Variants in TAFA4 observed in about 807,000 individuals in gnomAD.
TAFA4 encodes chemokine-like protein TAFA-4.
Under a neutral mutation model 21.1 loss-of-function variants are expected in TAFA4, and 20 were observed. That is an observed-to-expected ratio of 0.95 (90% CI 0.67 to 1.38). The LOEUF (loss-of-function observed/expected upper bound fraction) is 1.38. TAFA4 is among the 40% of genes most tolerant of loss of function. TAFA4 has a pLI of 0.00. For missense variants in TAFA4, 211 were observed against 180.9 expected, an observed-to-expected ratio of 1.17 and a Z score of -0.95; for synonymous variants, 71 against 67.4, an observed-to-expected ratio of 1.05 and a Z score of -0.26.
intron 3 of TAFA4, among the ~76,000 whole-genome samples, chr3:68,797,812 A>G (rs1464283142): frequency 6.6e-6 from 1 of 152,150 alleles, no homozygotes; most frequent in Non-Finnish European, 1.5e-5. Context: ...CATCACCCTC[A>G]GTTATTATTT....
At chr3:68,924,930 A>G (rs1360770556) in intron 1 of TAFA4, among the ~76,000 whole-genome samples, 1 of 152,190 alleles carries the variant, frequency 6.6e-6, no homozygotes, top group Non-Finnish European at 1.5e-5. Flanking sequence ...ATGTTAACCA[A>G]TGAGCTTTCT....
chr3:68,766,453 A>G (rs1283950725), intron 3 of TAFA4, among the ~76,000 whole-genome samples: 1 of 152,200 alleles, frequency 6.6e-6, no homozygotes, highest in Non-Finnish European at 1.5e-5. Context: ...TCAGAGAGAC[A>G]TATGTACAGA....
intron 3 of TAFA4, among the ~76,000 whole-genome samples, chr3:68,805,915 C>A (rs146165064): frequency 6.6e-6 from 1 of 151,992 alleles, no homozygotes; most frequent in Non-Finnish European, 1.5e-5. Flanking sequence ...CGTAACAAAC[C>A]TGCACATTGT....
chr3:68,876,257 AC>A (rs1458892043), intron 3 of TAFA4, among the ~76,000 whole-genome samples: 1 of 152,174 alleles, frequency 6.6e-6, no homozygotes, highest in Non-Finnish European at 1.5e-5. Flanking sequence ...CAGCTTTATA[AC>A]ATGCAAAATT....
rs149698620 is a variant in TAFA4, at chr3:68,751,411, G to A, written c.286+1452C>T. On this transcript the variant is annotated intron_variant, in intron 4 of 5. Coordinates refer to ENST00000295569, the MANE Select transcript of TAFA4 (RefSeq NM_182522.5). ...TGGCCCCTAGACTGTGGACGTAGCA[G>A]TGGGGATGGAGAAAAGTGGGCTGAT... Among the ~76,000 whole-genome samples the A allele has an allele frequency of 2.3e-3, 343 of 152,338 alleles. 2 individuals carry two copies. Among genetic ancestry groups the A allele is most frequent in the Admixed American group, 4.2e-3 (65 of 15,304 alleles).
chr3:68,836,523 T>G (rs1473421990), intron 3 of TAFA4, among the ~76,000 whole-genome samples: 1 of 152,180 alleles, frequency 6.6e-6, no homozygotes, highest in Non-Finnish European at 1.5e-5. Flanking sequence ...TCTGAAATCT[T>G]TTTGTAGAAA....
intron 3 of TAFA4, among the ~76,000 whole-genome samples, chr3:68,810,151 C>T (rs565743419): frequency 1.3e-5 from 2 of 152,310 alleles, no homozygotes; most frequent in African/African-American, 4.8e-5. Flanking sequence ...GGAATCTGTA[C>T]ATTGCTTTGG....
At chr3:68,746,341 A>G (rs1702457900) in intron 4 of TAFA4, among the ~76,000 whole-genome samples, 2 of 151,848 alleles carry the variant, frequency 1.3e-5, no homozygotes, top group African/African-American at 4.9e-5. Context: ...TATCTCATAT[A>G]TACATCTATC....
At chr3:68,781,514 T>G (rs868016246) in intron 3 of TAFA4, among the ~76,000 whole-genome samples, 1 of 152,088 alleles carries the variant, frequency 6.6e-6, no homozygotes. Flanking sequence ...GCCAATAAGT[T>G]TGATAACTTA....
intron 3 of TAFA4, among the ~76,000 whole-genome samples, chr3:68,800,332 T>G (rs985171422): frequency 2.6e-5 from 4 of 152,108 alleles, no homozygotes; most frequent in African/African-American, 7.2e-5. Context: ...GATGATAAAT[T>G]TGTGTTGTTT....
chr3:68,905,768 A>C (rs927952100), intron 1 of TAFA4, among the ~76,000 whole-genome samples: 1 of 152,158 alleles, frequency 6.6e-6, no homozygotes, highest in Admixed American at 6.5e-5. Context: ...ATCTGTTATA[A>C]TCAGGAGTTC....
At chr3:68,839,297 C>A (rs1704598803) in intron 3 of TAFA4, among the ~76,000 whole-genome samples, 1 of 152,108 alleles carries the variant, frequency 6.6e-6, no homozygotes, top group Admixed American at 6.5e-5. Context: ...AAGCAAAGAC[C>A]TGAATGAAGT....
intron 2 of TAFA4, among the ~76,000 whole-genome samples, chr3:68,882,595 A>G (rs994949884): frequency 2.0e-5 from 3 of 152,208 alleles, no homozygotes; most frequent in African/African-American, 7.2e-5. Context: ...AAGCCTTTGT[A>G]ACAAATAGAT....
intron 3 of TAFA4, among the ~76,000 whole-genome samples, chr3:68,798,853 A>G (rs1380105280): frequency 6.6e-6 from 1 of 152,216 alleles, no homozygotes; most frequent in Non-Finnish European, 1.5e-5. Flanking sequence ...AGTCATACAA[A>G]ATTTAAAAGG....
At chr3:68,841,860 T>C (rs1006773193) in intron 3 of TAFA4, among the ~76,000 whole-genome samples, 3 of 152,328 alleles carry the variant, frequency 2.0e-5, no homozygotes, top group Admixed American at 2.0e-4. Context: ...TCCATATCCC[T>C]GCAAAGGACA....
intron 5 of TAFA4, among the ~76,000 whole-genome samples, chr3:68,738,758 G>A (rs1702288247): frequency 6.6e-6 from 1 of 152,160 alleles, no homozygotes; most frequent in Non-Finnish European, 1.5e-5. Flanking sequence ...GTGGATTCTT[G>A]TCATGGTGTT....
Position 68,830,299 on chromosome 3 carries a change from T to C in TAFA4, c.130+50431A>G, listed in dbSNP as rs1704352560. On this transcript the variant is annotated intron_variant, in intron 3 of 5. Coordinates refer to ENST00000295569, the MANE Select transcript of TAFA4 (RefSeq NM_182522.5). Reference sequence around the variant, plus strand: ...GATGTTAGGGTGTCAATTTTAGATCTTTCCTGCTTTCTCTTGTGGGCATTT... The same window carrying C: ...GATGTTAGGGTGTCAATTTTAGATCCTTCCTGCTTTCTCTTGTGGGCATTT... Among the ~76,000 whole-genome samples the C allele has an allele frequency of 2.6e-5, 4 of 152,254 alleles. No homozygotes were observed. In the South Asian group the frequency reaches 8.3e-4, roughly 32 times the overall value.
rs546537751 is a variant in TAFA4, at chr3:68,826,408, T to C, written c.130+54322A>G. ...CTAACACGGTGAAATCTGTCTCTAC[T>C]AAAAATACAAAAAAATTGGCTCGGC... On this transcript the variant is annotated intron_variant, in intron 3 of 5. Transcript: ENST00000295569. 4.7e-4 allele frequency among the ~76,000 whole-genome samples: 72 copies of C among 151,872 alleles called. 1 individual carries two copies. The highest frequency in any genetic ancestry group is 3.4e-4 in the Non-Finnish European group (23 of 67,944).
chr3:68,922,987 T>C (rs2090074525), intron 1 of TAFA4, among the ~76,000 whole-genome samples: 1 of 152,104 alleles, frequency 6.6e-6, no homozygotes, highest in African/African-American at 2.4e-5. Context: ...GGAACATGGT[T>C]CTAACCATTG....
Sources: allele counts gnomAD v4.1 joint callset (sites outside exome capture counted in the v4.1 genomes callset), GRCh38; gene constraint gnomAD v4.1.1; transcripts MANE v1.5; gene names NCBI Gene and HGNC (gene_info 2026-07-23, HGNC 2026-07-21).